The following FMN1 variants were observed in gnomAD, a reference collection of about 807,000 sequenced individuals.
FMN1 encodes formin-1.
FMN1 carries 110 observed loss-of-function variants against 132.4 expected under a neutral mutation model. The ratio of observed to expected loss-of-function variants is 0.83; its 90% CI spans 0.71 to 0.97. The LOEUF (loss-of-function observed/expected upper bound fraction) is 0.97. Ranked by LOEUF, FMN1 falls within the 50% of genes least tolerant of loss-of-function variation. The pLI is 0.00. For missense variants in FMN1, 1,792 were observed against 1,705.3 expected, an observed-to-expected ratio of 1.05 and a Z score of -0.90; for synonymous variants, 722 against 651.7, an observed-to-expected ratio of 1.11 and a Z score of -1.64.
In FMN1 at chr15:32,811,053, G is replaced by GA. The variant is rs770544692; in HGVS notation, c.3929-6722dup. The GA allele has an allele frequency of 1.8e-5, 8 of 456,720 alleles. No homozygotes were observed. In the East Asian group the frequency reaches 5.6e-4, roughly 32 times the overall value. 28.3% of individuals were successfully genotyped at this position (456,720 alleles called of 1,614,324 possible). ...AAAATCCCCGTTGTGCACTTTCCAGGAGAAACAAATGCTTTACACCAACAG... is the reference window on the plus strand; with the variant it reads ...AAAATCCCCGTTGTGCACTTTCCAGGAAGAAACAAATGCTTTACACCAACAG... On this transcript the variant is annotated intron_variant, in intron 17 of 20. Transcript: ENST00000616417.
At chr15:32,825,072 C>T (rs2058329555) in intron 17 of FMN1, among the ~76,000 whole-genome samples, 1 of 152,200 alleles carries the variant, frequency 6.6e-6, no homozygotes, top group African/African-American at 2.4e-5. Context: ...CCTGTCTTTT[C>T]TACTTCGAAA....
rs576299601 is a variant in FMN1 at position 33,031,316 on chromosome 15, G to A, written c.2162-23241C>T. 1.5e-3 allele frequency among the ~76,000 whole-genome samples: 221 copies of A among 152,332 alleles called. 1 individual carries two copies. The highest frequency in any genetic ancestry group is 3.0e-3 in the Admixed American group (46 of 15,310). The stretch of plus-strand genomic sequence containing the variant: ...AGCTTTCTACCATCAGGAGGAGCCA[G>A]CACTGTGGAGAGGGTCTGCTTCTGA... On this transcript the variant is annotated intron_variant, in intron 6 of 20. Coordinates refer to ENST00000616417, the MANE Select transcript of FMN1 (RefSeq NM_001277313.2).
chr15:32,883,068 A>G (rs925728969), intron 16 of FMN1, among the ~76,000 whole-genome samples: 5 of 152,236 alleles, frequency 3.3e-5, no homozygotes, highest in African/African-American at 1.2e-4. Context: ...ACAGTAACAC[A>G]AAGTTGAATA....
chr15:32,921,434 A>G (rs2060819228), intron 10 of FMN1, among the ~76,000 whole-genome samples: 2 of 152,218 alleles, frequency 1.3e-5, no homozygotes, highest in South Asian at 4.1e-4. Flanking sequence ...TTGGCCAAGC[A>G]TGGAAAACAT....
rs1489199570 is a variant in FMN1, at chr15:32,857,117, G to C, written c.3836-10C>G. The C allele has an allele frequency of 4.4e-6, 7 of 1,603,782 alleles. No homozygotes were observed. The highest frequency in any genetic ancestry group is 1.3e-5 in the African/African-American group (1 of 74,658). On this transcript the variant is annotated splice_polypyrimidine_tract_variant and intron_variant, in intron 16 of 20. Transcript: ENST00000616417. Reference sequence around the variant, plus strand: ...ATCTGTTTCTCACTTGCTGTGAAGAGAAATTTAGAATTAGACTTAGGAACA... The same window carrying C: ...ATCTGTTTCTCACTTGCTGTGAAGACAAATTTAGAATTAGACTTAGGAACA...
chr15:33,106,447 C>G (rs931967403), intron 4 of FMN1, among the ~76,000 whole-genome samples: 2 of 151,926 alleles, frequency 1.3e-5, no homozygotes, highest in African/African-American at 2.4e-5. Context: ...AATCTATTAG[C>G]TTTTAGAGGA....
At chr15:33,117,443 T>A (rs2039971673) in intron 4 of FMN1, among the ~76,000 whole-genome samples, 1 of 152,216 alleles carries the variant, frequency 6.6e-6, no homozygotes, top group Non-Finnish European at 1.5e-5. Flanking sequence ...CATTCATTTC[T>A]CGGCGTTTTC....
intron 4 of FMN1, among the ~76,000 whole-genome samples, chr15:33,134,366 A>C (rs1963673433): frequency 6.6e-6 from 1 of 152,196 alleles, no homozygotes; most frequent in African/African-American, 2.4e-5. Flanking sequence ...GTTGTGGGGG[A>C]GGATGCTGAG....
chr15:33,089,061 C>T (rs1204480567), intron 4 of FMN1, 87 bp from the exon 5 acceptor site: 1 of 1,017,980 alleles, frequency 9.8e-7, no homozygotes, highest in Non-Finnish European at 1.4e-6. Flanking sequence ...CCTACATAGA[C>T]TTCTCTATGC....
chr15:32,934,549 T>C (rs1238976500), intron 9 of FMN1, among the ~76,000 whole-genome samples: 2 of 152,082 alleles, frequency 1.3e-5, no homozygotes, highest in South Asian at 2.1e-4. Flanking sequence ...CACTTTTATT[T>C]ATCTACGAAC....
At chr15:32,896,525 C>G (rs564386339) in intron 15 of FMN1, among the ~76,000 whole-genome samples, 10 of 152,222 alleles carry the variant, frequency 6.6e-5, no homozygotes, top group Non-Finnish European at 8.8e-5. Context: ...GTACAGATCT[C>G]TAGAACTTCT....
chr15:33,116,565 A>G (rs2039933608), intron 4 of FMN1, among the ~76,000 whole-genome samples: 1 of 152,130 alleles, frequency 6.6e-6, no homozygotes, highest in Non-Finnish European at 1.5e-5. Context: ...TGTTAAATTT[A>G]GTTTGTCGAA....
At chr15:33,130,486 G>A (rs942482585) in intron 4 of FMN1, among the ~76,000 whole-genome samples, 2 of 152,152 alleles carry the variant, frequency 1.3e-5, no homozygotes, top group African/African-American at 2.4e-5. Context: ...AATGAGATAA[G>A]GAGGTTTAAA....
At chr15:32,861,707 T>C (rs1215020567) in intron 16 of FMN1, among the ~76,000 whole-genome samples, 1 of 152,162 alleles carries the variant, frequency 6.6e-6, no homozygotes, top group Non-Finnish European at 1.5e-5. Context: ...CTGGGCACTG[T>C]ATTTACGGAA....
intron 4 of FMN1, chr15:33,150,687 G>C (rs936806419): frequency 1.0e-6 from 1 of 985,394 alleles, no homozygotes; most frequent in Non-Finnish European, 1.2e-6. Flanking sequence ...ACTGGAAACA[G>C]ATCTGATTAC....
In FMN1 at chr15:32,766,557, TTAAAA is replaced by T. The variant is rs1369465980; in HGVS notation, c.*7748_*7752del. 41 of 130,502 alleles carry T rather than the reference TTAAAA, an allele frequency of 3.1e-4. No individual in the cohort carries two copies. The highest frequency in any genetic ancestry group is 2.3e-3 in the Admixed American group (28 of 12,134). 8.1% of individuals were successfully genotyped at this position (130,502 alleles called of 1,614,324 possible). The stretch of plus-strand genomic sequence containing the variant: ...CCCCCCCCCACCCCGCCCAATCTTC[TTAAAA>T]TAAAATAAAAAGAGACGTATTTTCC... On this transcript the variant is annotated 3_prime_UTR_variant, in exon 21 of 21. Transcript: ENST00000616417.
intron 3 of FMN1, among the ~76,000 whole-genome samples, chr15:33,168,765 T>C (rs10519799): frequency 0.82 from 124,828 of 152,176 alleles, 51,732 homozygotes; most frequent in Middle Eastern, 0.92. Context: ...AGGCTGCAGG[T>C]TCTAAAGGTA....
chr15:33,085,393 TA>T (rs1394613734), intron 5 of FMN1, among the ~76,000 whole-genome samples: 2 of 152,070 alleles, frequency 1.3e-5, no homozygotes, highest in Non-Finnish European at 2.9e-5. Flanking sequence ...GCCCAAACTA[TA>T]AAAACTGTTG....
Position 32,964,249 on chromosome 15 carries a change from G to A in FMN1, c.2996C>T (p.Ala999Val). ...RIQISDRSQN[A>V]TPTLWDSLEE... is the part of the protein sequence containing the mutation. ...TAAGGAGTCCCATAAGGTTGGTGTA[G>A]CATTTTGGCTTAAAAGAGAAAATGA... is the stretch of plus-strand genomic sequence containing the variant. The change falls in exon 9 of 21, where the codon GCT becomes GTT. Residue 999 changes from alanine (A) to valine (V), a missense_variant. This residue lies in a region of FMN1 where 1,150 missense variants were observed against 1,043.1 expected (regional missense o/e 1.10). Transcript: ENST00000616417. 5.1e-6 allele frequency: 8 copies of A among 1,579,570 alleles called. No homozygotes were observed. The highest frequency in any genetic ancestry group is 6.9e-6 in the Non-Finnish European group (8 of 1,162,240).
Sources: allele counts gnomAD v4.1 joint callset (sites outside exome capture counted in the v4.1 genomes callset), GRCh38; gene constraint gnomAD v4.1.1; regional missense constraint gnomAD v4.1.1; transcripts MANE v1.5; gene names NCBI Gene and HGNC (gene_info 2026-07-23, HGNC 2026-07-21).